Variants in DNAH10 observed in about 807,000 individuals in gnomAD.
DNAH10 encodes the protein axonemal beta dynein heavy chain 10.
DNAH10 carries 348 observed loss-of-function variants against 506.6 expected under a neutral mutation model. The observed-to-expected ratio is 0.69, with a 90% CI of 0.63 to 0.75. DNAH10 has a LOEUF of 0.75. Ranked by LOEUF, DNAH10 falls within the 30% of genes least tolerant of loss-of-function variation. DNAH10 has a pLI of 0.00. For synonymous variants in DNAH10, 2,059 were observed against 2,198.6 expected, an observed-to-expected ratio of 0.94 and a Z score of 1.78; for missense variants, 5,179 against 5,787.1, an observed-to-expected ratio of 0.89 and a Z score of 3.41.
At chr12:123,828,211 G>T (rs928658708) in intron 25 of DNAH10, among the ~76,000 whole-genome samples, 2 of 151,580 alleles carry the variant, frequency 1.3e-5, no homozygotes, top group African/African-American at 4.9e-5. Flanking sequence ...CAAAACAGTC[G>T]CCTGTCTCTG....
At chr12:123,851,490 T>A (rs1951175556) in intron 35 of DNAH10, among the ~76,000 whole-genome samples, 2 of 152,224 alleles carry the variant, frequency 1.3e-5, no homozygotes, top group South Asian at 4.1e-4. Context: ...TTATAACTTT[T>A]AATTTTGGAA....
chr12:123,826,612 A>G, intron 24 of DNAH10, 75 bp from the exon 25 acceptor site: 1 of 1,329,246 alleles, frequency 7.5e-7, no homozygotes, highest in Non-Finnish European at 1.0e-6. Context: ...CGTGACTAAG[A>G]GTCAAGAACT....
chr12:123,856,477 C>T (rs1476084814), intron 36 of DNAH10, among the ~76,000 whole-genome samples: 1 of 150,102 alleles, frequency 6.7e-6, no homozygotes. Flanking sequence ...GCTGGGATTA[C>T]AGGCACCTGC....
At chr12:123,814,645 C>T (rs1050137444) in intron 21 of DNAH10, among the ~76,000 whole-genome samples, 7 of 134,658 alleles carry the variant, frequency 5.2e-5, no homozygotes, top group African/African-American at 1.5e-4. Flanking sequence ...GACGGAGTCT[C>T]GCTCTGTCGC....
At chr12:123,771,571 T>A in intron 2 of DNAH10, 30 bp from the exon 3 acceptor site, 1 of 1,594,448 alleles carries the variant, frequency 6.3e-7, no homozygotes, top group South Asian at 1.1e-5. Flanking sequence ...TTTCTGATTA[T>A]TTTCTCTTAA....
chr12:123,889,361 G>A (rs936849495), intron 52 of DNAH10, among the ~76,000 whole-genome samples: 6 of 152,182 alleles, frequency 3.9e-5, no homozygotes, highest in African/African-American at 7.2e-5. Flanking sequence ...TTTAAGTTGC[G>A]TCTGTTTCAG....
At position 123,928,431 on chromosome 12, in the gene DNAH10, G is replaced by T; in HGVS notation, c.12150G>T (p.Trp4050Cys). 1 of 1,607,592 alleles carries T rather than the reference G, an allele frequency of 6.2e-7. No homozygotes were observed. Residue 4050 changes from tryptophan (W) to cysteine (C), a missense_variant, in exon 70 of 79, where the codon TGG (tryptophan) becomes TGT (cysteine). Trp to Cys is a radical substitution (Grantham distance 215). Transcript: ENST00000673944. The surrounding 1 kb of genome is among the most constrained non-coding windows in gnomAD (Gnocchi z 4.9). ...LLETAVARGQWLMLQNCHLLV... is the reference protein window; with the variant it reads ...LLETAVARGQCLMLQNCHLLV... ...AGACGGCGGTGGCTCGGGGGCAGTG[G>T]CTGATGCTGCAGAACTGCCACCTCC...
chr12:123,871,681 C>T, intron 45 of DNAH10, 79 bp downstream of exon 45: 1 of 1,472,108 alleles, frequency 6.8e-7, no homozygotes, highest in South Asian at 1.3e-5. Context: ...ACCACAAGCA[C>T]TGTGATCTCA....
intron 56 of DNAH10, among the ~76,000 whole-genome samples, chr12:123,899,949 G>T (rs1208607199): frequency 6.6e-6 from 1 of 152,232 alleles, no homozygotes; most frequent in Non-Finnish European, 1.5e-5. Flanking sequence ...CCTGCTGCCT[G>T]TTTTGATGCT....
intron 52 of DNAH10, among the ~76,000 whole-genome samples, chr12:123,892,027 G>A (rs983879883): frequency 1.3e-5 from 2 of 152,250 alleles, no homozygotes; most frequent in African/African-American, 4.8e-5. Context: ...GGCTGCTCAT[G>A]TAGGCACCTC....
intron 18 of DNAH10, among the ~76,000 whole-genome samples, chr12:123,807,281 C>G (rs1958717971): frequency 6.6e-6 from 1 of 152,132 alleles, no homozygotes; most frequent in Admixed American, 6.5e-5. Flanking sequence ...GGATTAGACT[C>G]TGGTCACAGA....
intron 65 of DNAH10, among the ~76,000 whole-genome samples, chr12:123,921,709 T>G (rs1314289352): frequency 5.8e-5 from 4 of 68,716 alleles, no homozygotes; most frequent in African/African-American, 1.9e-4. Flanking sequence ...TTTTTTTTTT[T>G]TTTTTTTTTT....
Position 123,801,432 on chromosome 12 carries a change from G to A in DNAH10, c.2614G>A (p.Gly872Ser), listed in dbSNP as rs562444573. Residue 872 changes from glycine (G) to serine (S), a missense_variant and splice_region_variant, in exon 16 of 79, where the codon GGT (glycine) becomes AGT (serine). By Grantham distance (56) the Gly-to-Ser change is moderately conservative. Transcript: ENST00000673944. Reference sequence around the variant, plus strand: ...TAAGAGGTTGAACTGGAACTCACTAGGTAACGTCATTCATCTATTGATTGC... The same window carrying A: ...TAAGAGGTTGAACTGGAACTCACTAAGTAACGTCATTCATCTATTGATTGC... Reference protein sequence around the residue: ...GYKRLNWNSLGIGDYITGCKQ... With the variant: ...GYKRLNWNSLSIGDYITGCKQ... 6.2e-7 allele frequency: 1 copy of A among 1,612,288 alleles called. No individual in the cohort carries two copies. Among genetic ancestry groups the A allele is most frequent in the Non-Finnish European group, 8.5e-7 (1 of 1,179,478 alleles).
chr12:123,809,093 A>G, intron 19 of DNAH10, 140 bp downstream of exon 19: 1 of 1,017,632 alleles, frequency 9.8e-7, no homozygotes, highest in Non-Finnish European at 1.5e-6. Context: ...GTCATCCCCC[A>G]GTTTTCCCCA....
chr12:123,885,735 T>C (rs1952700902), intron 51 of DNAH10, among the ~76,000 whole-genome samples: 1 of 152,368 alleles, frequency 6.6e-6, no homozygotes, highest in South Asian at 2.1e-4. Flanking sequence ...GTGTCTGTTT[T>C]CACATATTCT....
chr12:123,839,251 T>C (rs1950682559), intron 29 of DNAH10, among the ~76,000 whole-genome samples: 1 of 151,830 alleles, frequency 6.6e-6, no homozygotes, highest in Admixed American at 6.6e-5. Flanking sequence ...CAGAAATATA[T>C]GAAGACTAAT....
chr12:123,832,788 T>G (rs1372401179), intron 26 of DNAH10, among the ~76,000 whole-genome samples: 1 of 152,202 alleles, frequency 6.6e-6, no homozygotes, highest in Non-Finnish European at 1.5e-5. Context: ...TAGACCCTGT[T>G]TCTGGGGCTC....
Position 123,898,866 on chromosome 12 carries a change from G to A in DNAH10, c.9640+52G>A, listed in dbSNP as rs140520093. ...CCATCCCCAACACCCAATACCCACC[G>A]TAGGTGAGTGAGGGCGGGGCCAGGG... On this transcript the variant is annotated intron_variant, in intron 56 of 78. Coordinates refer to ENST00000673944, the MANE Select transcript of DNAH10 (RefSeq NM_001372106.1). 1.1e-3 allele frequency: 1,663 copies of A among 1,528,470 alleles called. 1 individual carries two copies. The highest frequency in any genetic ancestry group is 1.4e-3 in the Middle Eastern group (6 of 4,364). 94.7% of individuals were successfully genotyped at this position (1,528,470 alleles called of 1,614,324 possible). A position where few individuals can be genotyped will look rare whatever the true frequency, so the allele number is the denominator to read the frequency against.
intron 30 of DNAH10, 132 bp from the exon 31 acceptor site, chr12:123,845,468 G>C: frequency 1.7e-6 from 2 of 1,195,190 alleles, no homozygotes; most frequent in Non-Finnish European, 2.3e-6. Context: ...AACAAATACA[G>C]GCACTTGCTT....
Sources: allele counts gnomAD v4.1 joint callset (sites outside exome capture counted in the v4.1 genomes callset), GRCh38; gene constraint gnomAD v4.1.1; non-coding constraint Gnocchi (gnomAD v3.1); transcripts MANE v1.5; gene names NCBI Gene and HGNC (gene_info 2026-07-23, HGNC 2026-07-21).